The following LRRFIP1 variants were observed in gnomAD, a reference collection of about 807,000 sequenced individuals.
The protein encoded by LRRFIP1 is LRR binding FLII interacting protein 1.
A neutral mutation model predicts 104.4 loss-of-function variants in LRRFIP1; 62 were observed. That is an observed-to-expected ratio of 0.59 (90% CI 0.48 to 0.73). The LOEUF is 0.73. LRRFIP1 is among the 30% of genes least tolerant of loss of function. The pLI, the probability that LRRFIP1 is intolerant of heterozygous loss-of-function variation, is 0.00. For missense variants in LRRFIP1, 796 were observed against 824.5 expected (o/e 0.97, Z 0.42); for synonymous variants, 300 against 299.0 (o/e 1.00, Z -0.03).
intron 8 of LRRFIP1, among the ~76,000 whole-genome samples, chr2:237,732,858 T>C (rs1042660935): frequency 6.6e-6 from 1 of 152,212 alleles, no homozygotes; most frequent in African/African-American, 2.4e-5. Context: ...AACAGTGTTA[T>C]TCCTTTGGCT....
intron 8 of LRRFIP1, among the ~76,000 whole-genome samples, chr2:237,732,790 A>G (rs186244610): frequency 1.3e-5 from 2 of 152,236 alleles, no homozygotes; most frequent in Non-Finnish European, 2.9e-5. Context: ...GTGTCCAGGA[A>G]GCAATTTGGA....
intron 7 of LRRFIP1, among the ~76,000 whole-genome samples, chr2:237,724,480 AC>A (rs2094662835): frequency 6.6e-6 from 1 of 152,186 alleles, no homozygotes; most frequent in Non-Finnish European, 1.5e-5. Context: ...TCTGCTCTTA[AC>A]AGATACAAGA....
intron 1 of LRRFIP1, among the ~76,000 whole-genome samples, chr2:237,679,115 C>T (rs1399767916): frequency 2.0e-5 from 3 of 152,236 alleles, no homozygotes; most frequent in Non-Finnish European, 4.4e-5. Flanking sequence ...TTTTCACTGA[C>T]TTAAGTATTA....
intron 14 of LRRFIP1, among the ~76,000 whole-genome samples, chr2:237,752,414 A>G (rs1314904559): frequency 6.6e-6 from 1 of 152,228 alleles, no homozygotes; most frequent in African/African-American, 2.4e-5. Context: ...TCAAAAAAGA[A>G]AAAATGCTGC....
At chr2:237,731,139 G>A (rs1050578544) in intron 8 of LRRFIP1, among the ~76,000 whole-genome samples, 1 of 152,170 alleles carries the variant, frequency 6.6e-6, no homozygotes, top group East Asian at 1.9e-4. Context: ...CAGCTCCCAC[G>A]CTGAAATCAG....
chr2:237,650,029 C>T (rs577283865), intron 1 of LRRFIP1, among the ~76,000 whole-genome samples: 1 of 152,128 alleles, frequency 6.6e-6, no homozygotes, highest in African/African-American at 2.4e-5. Context: ...GTGCACAAAC[C>T]GAAGTCCCCA....
At chr2:237,770,363 T>G in intron 20 of LRRFIP1, 1 of 201,030 alleles carries the variant, frequency 5.0e-6, no homozygotes, top group Non-Finnish European at 1.0e-5. Context: ...GCACTTCTCT[T>G]GTCCATATGG....
rs571056272 is a variant in LRRFIP1 at position 237,701,639 on chromosome 2, G to A, written c.97-6905G>A. ...CTTCTTATAGCTGGGAATCTCTGGGGCTCTGAGCGGGAGGCCCATGGGGAG... is the reference window on the plus strand; with the variant it reads ...CTTCTTATAGCTGGGAATCTCTGGGACTCTGAGCGGGAGGCCCATGGGGAG... On this transcript the variant is annotated intron_variant, in intron 1 of 23. Coordinates refer to ENST00000308482, the MANE Select transcript of LRRFIP1 (RefSeq NM_001137550.2). 3.3e-5 allele frequency among the ~76,000 whole-genome samples: 5 copies of A among 152,300 alleles called. No homozygotes were observed. The South Asian group carries it at 1.0e-3, about 32-fold the overall frequency.
intron 1 of LRRFIP1, among the ~76,000 whole-genome samples, chr2:237,640,639 T>G (rs2083803987): frequency 6.6e-6 from 1 of 151,972 alleles, no homozygotes; most frequent in African/African-American, 2.4e-5. Context: ...CGTCCCCATA[T>G]CTCCCGTAAA....
intron 19 of LRRFIP1, chr2:237,768,518 AG>A (rs1333325746): frequency 2.0e-5 from 3 of 152,198 alleles, no homozygotes; most frequent in Non-Finnish European, 2.9e-5. Context: ...GAAAATGAAA[AG>A]TGATATTGGG....
rs1035019398 is a variant in LRRFIP1, at chr2:237,751,124, A to G, written c.796-76A>G. ...TGCTCAGACTACCCAAATAGAAACT[A>G]CCCTGAAGTATAAAAGATTTAGGGA... On this transcript the variant is annotated intron_variant, in intron 13 of 23. Transcript: ENST00000308482. 5 of 1,020,502 alleles carry G rather than the reference A, an allele frequency of 4.9e-6. No individual in the cohort carries two copies. The East Asian group carries it at 1.0e-4, about 21-fold the overall frequency. 63.2% of individuals were successfully genotyped at this position (1,020,502 alleles called of 1,614,324 possible). A position where few individuals can be genotyped will look rare whatever the true frequency, so the allele number is the denominator to read the frequency against.
intron 1 of LRRFIP1, among the ~76,000 whole-genome samples, chr2:237,647,824 G>A (rs34851613): frequency 0.12 from 17,333 of 147,012 alleles, 1,895 homozygotes; most frequent in Non-Finnish European, 0.19. Context: ...ACGCCCTGTC[G>A]CCCTGTGGCC....
chr2:237,640,909 A>C (rs28409332), intron 1 of LRRFIP1, among the ~76,000 whole-genome samples: 23,468 of 152,114 alleles, frequency 0.15, 2,481 homozygotes, highest in African/African-American at 0.3. Flanking sequence ...AAAGGCGTGC[A>C]TCTCAGCCTG....
At chr2:237,645,260 T>G (rs1196537185) in intron 1 of LRRFIP1, among the ~76,000 whole-genome samples, 2 of 152,196 alleles carry the variant, frequency 1.3e-5, no homozygotes, top group Non-Finnish European at 2.9e-5. Flanking sequence ...AGTGTGAGTA[T>G]CAAAAGCAGG....
At chr2:237,706,359 T>C (rs1295291153) in intron 1 of LRRFIP1, among the ~76,000 whole-genome samples, 1 of 152,146 alleles carries the variant, frequency 6.6e-6, no homozygotes, top group Admixed American at 6.5e-5. Context: ...TCTTCTTGCA[T>C]GGCCTCCCTT....
intron 1 of LRRFIP1, among the ~76,000 whole-genome samples, chr2:237,705,827 CTG>C (rs2093775759): frequency 6.6e-6 from 1 of 152,178 alleles, no homozygotes; most frequent in Non-Finnish European, 1.5e-5. Flanking sequence ...GGTTGTAGGA[CTG>C]TGGTCACTGT....
rs559598816 is a variant in LRRFIP1, at chr2:237,675,001, G to A, written c.97-33543G>A. Among the ~76,000 whole-genome samples, 6 of 152,348 alleles carry A rather than the reference G, an allele frequency of 3.9e-5. No homozygotes were observed. The South Asian group carries it at 1.0e-3, about 26-fold the overall frequency. On this transcript the variant is annotated intron_variant, in intron 1 of 23. Transcript: ENST00000308482. Reference sequence around the variant, plus strand: ...AGTGGGAGGAGGGAGCCCGGAGCACGCTGCTTCCTGCCTGCTTCCTGTTTC... The same window carrying A: ...AGTGGGAGGAGGGAGCCCGGAGCACACTGCTTCCTGCCTGCTTCCTGTTTC...
At chr2:237,645,691 T>C (rs1575109202) in intron 1 of LRRFIP1, among the ~76,000 whole-genome samples, 1 of 152,054 alleles carries the variant, frequency 6.6e-6, no homozygotes, top group Non-Finnish European at 1.5e-5. Flanking sequence ...ACAACTTTCT[T>C]CATCCTAACT....
chr2:237,753,624 C>G (rs1559793408), intron 15 of LRRFIP1, 145 bp downstream of exon 15: 13 of 593,752 alleles, frequency 2.2e-5, no homozygotes, highest in Non-Finnish European at 3.0e-5. Context: ...GGCGAGACAT[C>G]ATTTCTAAAA....
Sources: allele counts gnomAD v4.1 joint callset (sites outside exome capture counted in the v4.1 genomes callset), GRCh38; gene constraint gnomAD v4.1.1; transcripts MANE v1.5; gene names NCBI Gene and HGNC (gene_info 2026-07-23, HGNC 2026-07-21).